PBK: variants seen among roughly 807,000 people sequenced by gnomAD.
PBK encodes the protein PDZ binding kinase.
In PBK, 22 loss-of-function variants were observed where a neutral mutation model predicts 33.5. The observed-to-expected ratio is 0.66, with a 90% CI of 0.47 to 0.94. PBK has a LOEUF of 0.94. Among genes scored for constraint, PBK ranks in the 40% least tolerant of loss-of-function variants. The pLI is 0.00. For synonymous variants in PBK, 129 were observed against 123.8 expected, an observed-to-expected ratio of 1.04 and a Z score of -0.28; for missense variants, 376 against 383.4, an observed-to-expected ratio of 0.98 and a Z score of 0.16.
At chr8:27,817,195 G>T (rs1476769486) in intron 6 of PBK, among the ~76,000 whole-genome samples, 1 of 152,042 alleles carries the variant, frequency 6.6e-6, no homozygotes, top group Admixed American at 6.6e-5. Context: ...TATATTTTTA[G>T]TGAGAAAGCC....
At chr8:27,824,812 GC>G (rs932266803) in intron 3 of PBK, among the ~76,000 whole-genome samples, 1 of 152,100 alleles carries the variant, frequency 6.6e-6, no homozygotes, top group African/African-American at 2.4e-5. Flanking sequence ...TATATCAGAT[GC>G]AAAAATTGAA....
Position 27,826,745 on chromosome 8 carries a change from G to C in PBK, c.152+1360C>G, listed in dbSNP as rs1360834904. 1.9e-5 allele frequency among the ~76,000 whole-genome samples: 2 copies of C among 105,170 alleles called. 1 individual carries two copies. The highest frequency in any genetic ancestry group is 9.1e-5 in the African/African-American group (2 of 21,982). The allele number at this position is 105,170 out of a possible 152,430, so 69.0% of individuals were successfully genotyped here. On this transcript the variant is annotated intron_variant, in intron 3 of 7. Transcript: ENST00000301905. ...AGGGAGGCGGAGCTTGCAGTGAGCCGAGATCGCGCCACTGCACTCCAGCCT... is the reference window on the plus strand; with the variant it reads ...AGGGAGGCGGAGCTTGCAGTGAGCCCAGATCGCGCCACTGCACTCCAGCCT...
At position 27,820,824 on chromosome 8, in the gene PBK, A is replaced by ATTTTTTT. The variant is rs71553893; in HGVS notation, c.466-137_466-131dup. ...GTTTACATTTGTCCAGCGTTTCAAA[A>ATTTTTTT]TTTTTTTTTTTTTTTTTAAAACGGA... On this transcript the variant is annotated intron_variant, in intron 5 of 7. Transcript: ENST00000301905. The ATTTTTTT allele has an allele frequency of 8.5e-4, 326 of 385,546 alleles. 5 individuals are homozygous for ATTTTTTT. Among genetic ancestry groups the ATTTTTTT allele is most frequent in the Middle Eastern group, 3.7e-3 (5 of 1,348 alleles). 23.9% of individuals were successfully genotyped at this position (385,546 alleles called of 1,614,324 possible).
At chr8:27,836,147 T>C (rs1806224099) in intron 1 of PBK, among the ~76,000 whole-genome samples, 1 of 152,022 alleles carries the variant, frequency 6.6e-6, no homozygotes, top group African/African-American at 2.4e-5. Context: ...GAGAAACTCA[T>C]TTGAAGGAAG....
At chr8:27,818,553 T>C (rs1395642024) in intron 6 of PBK, among the ~76,000 whole-genome samples, 1 of 152,212 alleles carries the variant, frequency 6.6e-6, no homozygotes, top group Non-Finnish European at 1.5e-5. Context: ...GAACATTACA[T>C]ATATATTTTC....
chr8:27,823,257 T>C (rs773257219), intron 3 of PBK, 52 bp from the exon 4 acceptor site: 1 of 1,170,542 alleles, frequency 8.5e-7, no homozygotes, highest in South Asian at 1.5e-5. Context: ...ACCACAATAC[T>C]TTTTAAAATG....
intron 6 of PBK, among the ~76,000 whole-genome samples, chr8:27,815,966 C>A (rs1198472164): frequency 6.6e-6 from 1 of 152,150 alleles, no homozygotes; most frequent in East Asian, 1.9e-4. Flanking sequence ...ACAGTTTATA[C>A]TTTATTTCCC....
intron 2 of PBK, among the ~76,000 whole-genome samples, chr8:27,828,501 A>C (rs1272320927): frequency 6.6e-6 from 1 of 152,168 alleles, no homozygotes; most frequent in Non-Finnish European, 1.5e-5. Flanking sequence ...GTGGTGGCTC[A>C]TGCCTATAAT....
intron 1 of PBK, among the ~76,000 whole-genome samples, chr8:27,837,332 G>A (rs1050116630): frequency 1.3e-5 from 2 of 152,152 alleles, no homozygotes; most frequent in Admixed American, 6.5e-5. Context: ...ACGCGGACGG[G>A]CAGCAGAAAA....
chr8:27,831,522 T>C (rs1180397118), intron 2 of PBK, among the ~76,000 whole-genome samples: 1 of 109,478 alleles, frequency 9.1e-6, no homozygotes, highest in Non-Finnish European at 1.8e-5. Flanking sequence ...ATAAAAAGTA[T>C]ACAGAATATC....
chr8:27,831,447 G>A (rs1439177032), intron 2 of PBK, among the ~76,000 whole-genome samples: 1 of 142,312 alleles, frequency 7.0e-6, no homozygotes, highest in Non-Finnish European at 1.5e-5. Flanking sequence ...GAAATTGGGG[G>A]TGGGGGGAAG....
intron 3 of PBK, among the ~76,000 whole-genome samples, chr8:27,824,179 A>T (rs1805984548): frequency 6.6e-6 from 1 of 152,136 alleles, no homozygotes. Context: ...GTTTTAAATA[A>T]CAGCAGCATT....
chr8:27,828,517 C>A (rs1043358047), intron 2 of PBK, among the ~76,000 whole-genome samples: 1 of 151,970 alleles, frequency 6.6e-6, no homozygotes, highest in South Asian at 2.1e-4. Flanking sequence ...ATAATCTCAA[C>A]GCTTTTGGAG....
intron 1 of PBK, among the ~76,000 whole-genome samples, chr8:27,837,208 G>C (rs1806243074): frequency 6.6e-6 from 1 of 152,178 alleles, no homozygotes; most frequent in Non-Finnish European, 1.5e-5. Context: ...AAAGTGAGCA[G>C]CGCTCAAGCA....
chr8:27,817,775 A>G (rs1247291846), intron 6 of PBK, among the ~76,000 whole-genome samples: 2 of 152,146 alleles, frequency 1.3e-5, no homozygotes, highest in Admixed American at 6.5e-5. Context: ...GTCACCTGAA[A>G]GGTTCTACCA....
intron 5 of PBK, 123 bp from the exon 6 acceptor site, chr8:27,820,817 T>G (rs1805911065): frequency 1.4e-5 from 7 of 515,438 alleles, no homozygotes; most frequent in Non-Finnish European, 2.2e-5. Flanking sequence ...TTGTCCAGCG[T>G]TTCAAAATTT....
chr8:27,822,524 A>T, intron 4 of PBK, 36 bp from the exon 5 acceptor site: 3 of 1,414,438 alleles, frequency 2.1e-6, no homozygotes, highest in Non-Finnish European at 2.9e-6. Context: ...ACTAATATAG[A>T]GAAGAACAAT....
chr8:27,825,739 T>G (rs946364141), intron 3 of PBK, among the ~76,000 whole-genome samples: 1 of 152,170 alleles, frequency 6.6e-6, no homozygotes, highest in Non-Finnish European at 1.5e-5. Context: ...AAGATGCTAT[T>G]TTTAAAAAGA....
intron 6 of PBK, among the ~76,000 whole-genome samples, chr8:27,817,294 A>G (rs1805836410): frequency 6.6e-6 from 1 of 152,128 alleles, no homozygotes; most frequent in African/African-American, 2.4e-5. Flanking sequence ...TATGGCTACA[A>G]AGGAACATTT....
Sources: allele counts gnomAD v4.1 joint callset (sites outside exome capture counted in the v4.1 genomes callset), GRCh38; gene constraint gnomAD v4.1.1; transcripts MANE v1.5; gene names NCBI Gene and HGNC (gene_info 2026-07-23, HGNC 2026-07-21).